Variants in DNAJB6 observed in about 807,000 individuals in gnomAD.
DNAJB6 encodes dnaJ homolog subfamily B member 6.
DNAJB6 carries 16 observed loss-of-function variants against 42.7 expected under a neutral mutation model. That is an observed-to-expected ratio of 0.37 (90% CI 0.25 to 0.57). The LOEUF is 0.57. Ranked by LOEUF, DNAJB6 falls within the 20% of genes least tolerant of loss-of-function variation. DNAJB6 has a pLI of 0.74. For synonymous variants in DNAJB6, 170 were observed against 163.5 expected (o/e 1.04, Z -0.30); for missense variants, 347 against 416.8 (o/e 0.83, Z 1.46).
intron 1 of DNAJB6, among the ~76,000 whole-genome samples, chr7:157,345,872 C>T (rs1297685766): frequency 6.6e-5 from 10 of 151,968 alleles, no homozygotes; most frequent in South Asian, 2.1e-4. Context: ...GAAATTACTT[C>T]TTTTGATTTA....
intron 1 of DNAJB6, among the ~76,000 whole-genome samples, chr7:157,342,451 C>T (rs1215873854): frequency 6.7e-6 from 1 of 149,380 alleles, no homozygotes; most frequent in East Asian, 2.0e-4. Context: ...GATTCTCCTG[C>T]CTCAGCCTCC....
At chr7:157,357,790 C>G (rs2116944663) in intron 1 of DNAJB6, among the ~76,000 whole-genome samples, 1 of 152,336 alleles carries the variant, frequency 6.6e-6, no homozygotes, top group South Asian at 2.1e-4. Flanking sequence ...GTACATTTTA[C>G]TGCCCGGGGA....
chr7:157,382,755 C>T (rs1800849925), intron 6 of DNAJB6: 1 of 156,444 alleles, frequency 6.4e-6, no homozygotes, highest in Non-Finnish European at 1.4e-5. Context: ...CAAATAGCAT[C>T]CTAGGAGCAT....
chr7:157,410,392 G>GC, intron 9 of DNAJB6: 1 of 375,968 alleles, frequency 2.7e-6, no homozygotes, highest in Non-Finnish European at 4.7e-6. Flanking sequence ...GTTTGCCCCT[G>GC]CCCCTCCGTC....
intron 8 of DNAJB6, among the ~76,000 whole-genome samples, chr7:157,405,561 C>T (rs916174963): frequency 1.3e-5 from 2 of 152,200 alleles, no homozygotes; most frequent in African/African-American, 4.8e-5. Context: ...CGCAGTGGCC[C>T]TGTCAGCCCT....
In DNAJB6 at chr7:157,409,716, A is replaced by G. The variant is rs372475440; in HGVS notation, c.692-79A>G. ...CTGGATTCAGGGAGATCGTGCGGCC[A>G]GCTTCCCTCCCTCTGCTCTGGATGG... On this transcript the variant is annotated intron_variant, in intron 8 of 9. Transcript: ENST00000262177. The G allele has an allele frequency of 9.2e-5, 130 of 1,414,202 alleles. 1 individual carries two copies. In the East Asian group the frequency reaches 1.4e-3, roughly 15 times the overall value. 87.6% of individuals were successfully genotyped at this position (1,414,202 alleles called of 1,614,324 possible).
chr7:157,344,586 A>G (rs1184275131), intron 1 of DNAJB6, among the ~76,000 whole-genome samples: 1 of 152,106 alleles, frequency 6.6e-6, no homozygotes, highest in Non-Finnish European at 1.5e-5. Context: ...CCAGCCTGAA[A>G]TTATTTGTTT....
In DNAJB6 at chr7:157,398,106, T is replaced by C. The variant is rs147937971; in HGVS notation, c.692-11689T>C. Among the ~76,000 whole-genome samples, 5 of 152,320 alleles carry C rather than the reference T, an allele frequency of 3.3e-5. 1 individual carries two copies. The East Asian group carries it at 9.6e-4, about 29-fold the overall frequency. ...TTTCCCCAGCAGATGGCGTCTGCCA[T>C]TCCAGGGCTGTTCGATGTGCCTTTG... On this transcript the variant is annotated intron_variant, in intron 8 of 9. Transcript: ENST00000262177.
intron 3 of DNAJB6, 107 bp from the exon 4 acceptor site, chr7:157,366,395 C>G: frequency 9.9e-7 from 1 of 1,011,858 alleles, no homozygotes; most frequent in East Asian, 2.5e-5. Context: ...CCTTGAAATT[C>G]AGTTGTAAAA....
At chr7:157,405,529 G>A (rs1172978249) in intron 8 of DNAJB6, among the ~76,000 whole-genome samples, 1 of 152,184 alleles carries the variant, frequency 6.6e-6, no homozygotes, top group African/African-American at 2.4e-5. Flanking sequence ...CTTGCTCTCT[G>A]TGGGGATCCA....
In DNAJB6 at chr7:157,337,056, C is replaced by G. The variant is rs1563101094; in HGVS notation, c.-115C>G. 1.3e-5 allele frequency: 2 copies of G among 152,402 alleles called. No homozygotes were observed. The highest frequency in any genetic ancestry group is 2.9e-5 in the Non-Finnish European group (2 of 68,174). 9.4% of individuals were successfully genotyped at this position (152,402 alleles called of 1,614,324 possible). Reference sequence around the variant, plus strand: ...AGGAAAGCGCGAGGAGCCGCCGCCACCACCAGCGCAGCAGTCCTGGAGCTG... The same window carrying G: ...AGGAAAGCGCGAGGAGCCGCCGCCAGCACCAGCGCAGCAGTCCTGGAGCTG... On this transcript the variant is annotated 5_prime_UTR_variant, in exon 1 of 10. Coordinates refer to ENST00000262177, the MANE Select transcript of DNAJB6 (RefSeq NM_058246.4).
At chr7:157,365,954 TCGC>T (rs1799821513) in intron 3 of DNAJB6, among the ~76,000 whole-genome samples, 3 of 128,756 alleles carry the variant, frequency 2.3e-5, no homozygotes, top group Non-Finnish European at 5.2e-5. Context: ...ATGAGCTACC[TCGC>T]GTGGCTAAGT....
At chr7:157,349,949 C>G (rs774431515) in intron 1 of DNAJB6, among the ~76,000 whole-genome samples, 1 of 152,056 alleles carries the variant, frequency 6.6e-6, no homozygotes, top group East Asian at 1.9e-4. Context: ...GGCCAACGCC[C>G]GGCTAATTAT....
rs570365564 is a variant in DNAJB6 at position 157,385,535 on chromosome 7, C to T, written c.621-6C>T. Reference sequence around the variant, plus strand: ...AAAGGTTTTTAAATGAATTTTTTTCCTACAGAATTGTCGAGAACGGTCAAG... The same window carrying T: ...AAAGGTTTTTAAATGAATTTTTTTCTTACAGAATTGTCGAGAACGGTCAAG... On this transcript the variant is annotated splice_polypyrimidine_tract_variant and splice_region_variant and intron_variant, in intron 7 of 9. Coordinates refer to ENST00000262177, the MANE Select transcript of DNAJB6 (RefSeq NM_058246.4). 1 of 1,608,422 alleles carries T rather than the reference C, an allele frequency of 6.2e-7. No homozygotes were observed. Among genetic ancestry groups the T allele is most frequent in the East Asian group, 2.2e-5 (1 of 44,716 alleles).
chr7:157,376,869 G>A (rs1484550746), intron 5 of DNAJB6, among the ~76,000 whole-genome samples: 1 of 152,208 alleles, frequency 6.6e-6, no homozygotes, highest in Non-Finnish European at 1.5e-5. Context: ...GACAGAGCAA[G>A]ACTCCGTCTT....
chr7:157,394,777 C>G (rs1295439767), intron 8 of DNAJB6, among the ~76,000 whole-genome samples: 1 of 151,914 alleles, frequency 6.6e-6, no homozygotes, highest in South Asian at 2.1e-4. Flanking sequence ...AGATTTTGTC[C>G]CCGCCTCTCA....
At chr7:157,397,978 C>T (rs1274362788) in intron 8 of DNAJB6, among the ~76,000 whole-genome samples, 1 of 152,274 alleles carries the variant, frequency 6.6e-6, no homozygotes, top group Non-Finnish European at 1.5e-5. Context: ...CGCCACTGCA[C>T]TCCAGTCTGG....
chr7:157,357,212 GTCCTTCCT>G (rs112834824), intron 1 of DNAJB6, among the ~76,000 whole-genome samples: 7,904 of 61,628 alleles, frequency 0.13, 1,223 homozygotes, highest in Middle Eastern at 0.24. Context: ...TGATACTGTT[GTCCTTCCT>G]TCCTTCCTTC....
At chr7:157,403,313 G>A (rs1795609032) in intron 8 of DNAJB6, among the ~76,000 whole-genome samples, 1 of 152,166 alleles carries the variant, frequency 6.6e-6, no homozygotes, top group African/African-American at 2.4e-5. Flanking sequence ...GGAGCAGAGG[G>A]ATGACTTTGA....
Sources: allele counts gnomAD v4.1 joint callset (sites outside exome capture counted in the v4.1 genomes callset), GRCh38; gene constraint gnomAD v4.1.1; transcripts MANE v1.5; gene names NCBI Gene and HGNC (gene_info 2026-07-23, HGNC 2026-07-21).